Variants in MCC observed in about 807,000 individuals in gnomAD.
MCC encodes the protein colorectal mutant cancer protein.
MCC carries 90 observed loss-of-function variants against 116.2 expected under a neutral mutation model. The ratio of observed to expected loss-of-function variants is 0.77; its 90% CI spans 0.65 to 0.92. The LOEUF (loss-of-function observed/expected upper bound fraction) is 0.92. MCC is among the 40% of genes least tolerant of loss of function. The pLI is 0.00. For synonymous variants in MCC, 578 were observed against 510.5 expected, an observed-to-expected ratio of 1.13 and a Z score of -1.78; for missense variants, 1,516 against 1,312.2, an observed-to-expected ratio of 1.16 and a Z score of -2.40.
At chr5:113,102,784 A>G (rs1274099517) in intron 7 of MCC, among the ~76,000 whole-genome samples, 1 of 151,468 alleles carries the variant, frequency 6.6e-6, no homozygotes, top group Non-Finnish European at 1.5e-5. Flanking sequence ...AGGGAGAATT[A>G]CTATGAAGAG....
chr5:113,127,986 T>C (rs1758177819), intron 5 of MCC, among the ~76,000 whole-genome samples: 1 of 152,230 alleles, frequency 6.6e-6, no homozygotes, highest in African/African-American at 2.4e-5. Flanking sequence ...GGGTCAACTG[T>C]AATGTCATGA....
chr5:113,024,382 CG>C lies in MCC; in HGVS notation c.*2919del, dbSNP rs1750380921. 6.6e-6 allele frequency: 1 copy of C among 152,110 alleles called. No individual in the cohort carries two copies. The highest frequency in any genetic ancestry group is 6.5e-5 in the Admixed American group (1 of 15,276). 9.4% of individuals were successfully genotyped at this position (152,110 alleles called of 1,614,324 possible). On this transcript the variant is annotated 3_prime_UTR_variant, in exon 19 of 19. Transcript: ENST00000408903. ...CTGGTAAGCTCACACTGATGGCACT[CG>C]CAACTACGGACAGAAGTCTCTTTTG...
chr5:113,118,959 G>A (rs946386429), intron 6 of MCC, among the ~76,000 whole-genome samples: 1 of 152,114 alleles, frequency 6.6e-6, no homozygotes, highest in African/African-American at 2.4e-5. Flanking sequence ...ATTCCTGCTC[G>A]GCTGTGACCT....
intron 1 of MCC, among the ~76,000 whole-genome samples, chr5:113,401,743 G>A (rs1034243727): frequency 6.6e-6 from 1 of 150,520 alleles, no homozygotes; most frequent in African/African-American, 2.5e-5. Flanking sequence ...ACTGTGACAT[G>A]TGCAAATTTC....
rs371437714 is a variant in MCC, at chr5:113,083,882, A to G, written c.1635+219T>C. Reference sequence around the variant, plus strand: ...GTTTCTGAATGGTTTCAAGGAAAGGAAAAAAAATCTCCCTTAAAGCTGAAG... The same window carrying G: ...GTTTCTGAATGGTTTCAAGGAAAGGGAAAAAAATCTCCCTTAAAGCTGAAG... On this transcript the variant is annotated intron_variant, in intron 10 of 18. Transcript: ENST00000408903. 9.4e-5 allele frequency among the ~76,000 whole-genome samples: 14 copies of G among 149,252 alleles called. 2 individuals are homozygous for G. The highest frequency in any genetic ancestry group is 3.2e-4 in the African/African-American group (13 of 41,258).
chr5:113,207,411 C>G (rs1484744357), intron 3 of MCC, among the ~76,000 whole-genome samples: 2 of 122,218 alleles, frequency 1.6e-5, no homozygotes, highest in Non-Finnish European at 3.1e-5. Flanking sequence ...CACATGAAGG[C>G]TATTAAGAGA....
In MCC at chr5:113,438,530, T is replaced by C. The variant is rs112722926; in HGVS notation, c.170+49715A>G. On this transcript the variant is annotated intron_variant, in intron 1 of 18. Transcript: ENST00000408903. ...AAAATAGGTATGCACTTTAAAGTGA[T>C]TGTGAGGATTAGACATGGTGATTCC... Among the ~76,000 whole-genome samples the C allele has an allele frequency of 5.8e-4, 88 of 152,242 alleles. 1 individual carries two copies. Among genetic ancestry groups the C allele is most frequent in the African/African-American group, 2.0e-3 (83 of 41,556 alleles).
chr5:113,403,458 G>C (rs552703661), intron 1 of MCC, among the ~76,000 whole-genome samples: 1 of 152,178 alleles, frequency 6.6e-6, no homozygotes, highest in Non-Finnish European at 1.5e-5. Context: ...TGAGTACTGT[G>C]AACTAGGTGT....
intron 3 of MCC, among the ~76,000 whole-genome samples, chr5:113,290,447 A>T (rs971546339): frequency 1.6e-4 from 24 of 152,332 alleles, no homozygotes; most frequent in African/African-American, 5.8e-4. Context: ...TATGATTGCC[A>T]TGGGAGAAAT....
chr5:113,472,512 G>A (rs965676723), intron 1 of MCC, among the ~76,000 whole-genome samples: 1 of 152,154 alleles, frequency 6.6e-6, no homozygotes, highest in Non-Finnish European at 1.5e-5. Context: ...ATTCAACTTT[G>A]TATTCCTCTG....
chr5:113,037,435 G>A (rs1236743703), intron 17 of MCC, among the ~76,000 whole-genome samples: 4 of 152,214 alleles, frequency 2.6e-5, no homozygotes, highest in Non-Finnish European at 5.9e-5. Context: ...GCTCATGCCC[G>A]TAATCCCAGC....
intron 2 of MCC, among the ~76,000 whole-genome samples, chr5:113,362,525 T>C (rs192812565): frequency 1.7e-4 from 26 of 152,318 alleles, no homozygotes; most frequent in Non-Finnish European, 2.9e-4. Flanking sequence ...TTCTTTCTTT[T>C]TTTCTTTTTT....
intron 2 of MCC, among the ~76,000 whole-genome samples, chr5:113,361,871 C>A (rs1020689859): frequency 3.3e-5 from 5 of 152,148 alleles, no homozygotes; most frequent in Non-Finnish European, 2.9e-5. Flanking sequence ...GGACTTCCAC[C>A]AGCAACCCCT....
intron 3 of MCC, among the ~76,000 whole-genome samples, chr5:113,176,260 G>T (rs1761326972): frequency 6.6e-6 from 1 of 151,920 alleles, no homozygotes; most frequent in Admixed American, 6.6e-5. Context: ...TCATAAAGCT[G>T]CAATCAGGCC....
chr5:113,136,772 T>A (rs1245593096), intron 5 of MCC, among the ~76,000 whole-genome samples: 1 of 152,198 alleles, frequency 6.6e-6, no homozygotes, highest in Admixed American at 6.5e-5. Context: ...ATATATAAGA[T>A]CATATCATCT....
chr5:113,119,877 T>G (rs753956814), intron 6 of MCC, among the ~76,000 whole-genome samples: 3 of 152,216 alleles, frequency 2.0e-5, no homozygotes, highest in African/African-American at 7.2e-5. Context: ...AAAATGAGGA[T>G]GCCCCATGGC....
intron 2 of MCC, among the ~76,000 whole-genome samples, chr5:113,359,783 T>C (rs1768501979): frequency 6.6e-6 from 1 of 151,340 alleles, no homozygotes; most frequent in Admixed American, 6.6e-5. Context: ...GCAAATAAAT[T>C]GACTTTCACT....
chr5:113,164,775 G>C (rs1287485268), intron 3 of MCC, among the ~76,000 whole-genome samples: 1 of 152,192 alleles, frequency 6.6e-6, no homozygotes, highest in African/African-American at 2.4e-5. Flanking sequence ...GGCTAAGGGA[G>C]AGAGCCTGAG....
intron 3 of MCC, among the ~76,000 whole-genome samples, chr5:113,271,021 A>C (rs1765598364): frequency 1.3e-5 from 2 of 152,200 alleles, no homozygotes; most frequent in Admixed American, 1.3e-4. Context: ...CTATCAATTT[A>C]CCTAGATTAA....
Sources: allele counts gnomAD v4.1 joint callset (sites outside exome capture counted in the v4.1 genomes callset), GRCh38; gene constraint gnomAD v4.1.1; transcripts MANE v1.5; gene names NCBI Gene and HGNC (gene_info 2026-07-23, HGNC 2026-07-21).